Variants in PDE4D observed in about 807,000 individuals in gnomAD.
The protein encoded by PDE4D is 3',5'-cyclic-AMP phosphodiesterase 4D.
A neutral mutation model predicts 87.4 loss-of-function variants in PDE4D; 24 were observed. The ratio of observed to expected loss-of-function variants is 0.27; its 90% CI spans 0.20 to 0.39. The LOEUF (loss-of-function observed/expected upper bound fraction) is 0.39, where lower values mean the gene tolerates loss of function less well. Among genes scored for constraint, PDE4D ranks in the 10% least tolerant of loss-of-function variants. The pLI, the probability that PDE4D is intolerant of heterozygous loss-of-function variation, is 1.00. For synonymous variants in PDE4D, 384 were observed against 383.2 expected, an observed-to-expected ratio of 1.00 and a Z score of -0.02; for missense variants, 714 against 1,041.0, an observed-to-expected ratio of 0.69 and a Z score of 4.32.
intron 5 of PDE4D, among the ~76,000 whole-genome samples, chr5:59,102,477 T>C (rs1354530270): frequency 6.6e-6 from 1 of 152,182 alleles, no homozygotes; most frequent in African/African-American, 2.4e-5. Flanking sequence ...ATAGTTTTAA[T>C]AAATCAAATA....
chr5:59,001,871 G>A (rs957288562), intron 6 of PDE4D, among the ~76,000 whole-genome samples: 37 of 152,144 alleles, frequency 2.4e-4, no homozygotes, highest in Non-Finnish European at 1.6e-4. Flanking sequence ...TGGAATCTAT[G>A]ACTCTTTCCT....
intron 1 of PDE4D, among the ~76,000 whole-genome samples, chr5:59,231,996 C>A (rs1454158216): frequency 6.6e-6 from 1 of 152,144 alleles, no homozygotes. Context: ...AAGTGTGAAC[C>A]TGACACATGA....
At chr5:60,370,581 C>T (rs56020207) in intron 1 of PDE4D, among the ~76,000 whole-genome samples, 7 of 152,248 alleles carry the variant, frequency 4.6e-5, no homozygotes, top group East Asian at 1.9e-4. Flanking sequence ...TTCTCATTAA[C>T]GATGACTGCT....
Position 60,031,666 on chromosome 5 carries a change from G to T in PDE4D, c.43-42949C>A, listed in dbSNP as rs192632013. ...TACTGCTAAACCAAAGTTTTTTACT[G>T]GAATTCCACATTTAAAAATTGCAAG... On this transcript the variant is annotated intron_variant, in intron 2 of 16. Transcript: ENST00000502484. Among the ~76,000 whole-genome samples the T allele has an allele frequency of 5.3e-3, 804 of 152,086 alleles. 16 individuals are homozygous for T. Among genetic ancestry groups the T allele is most frequent in the Admixed American group, 0.039 (590 of 15,280 alleles).
chr5:60,202,739 G>A (rs1269877990), intron 1 of PDE4D, among the ~76,000 whole-genome samples: 1 of 151,638 alleles, frequency 6.6e-6, no homozygotes, highest in African/African-American at 2.4e-5. Flanking sequence ...AATAAAATAA[G>A]GAGATGCCTA....
chr5:59,787,346 C>T (rs908775376), intron 1 of PDE4D, among the ~76,000 whole-genome samples: 1 of 152,190 alleles, frequency 6.6e-6, no homozygotes, highest in Non-Finnish European at 1.5e-5. Flanking sequence ...ACCACATCTT[C>T]CCATTCACTT....
intron 5 of PDE4D, among the ~76,000 whole-genome samples, chr5:59,135,862 T>C (rs1371096092): frequency 3.3e-5 from 5 of 152,184 alleles, no homozygotes; most frequent in Admixed American, 2.0e-4. Flanking sequence ...CTTCACTTAT[T>C]CATGCATTCG....
At chr5:60,190,669 C>T (rs868843606) in intron 1 of PDE4D, among the ~76,000 whole-genome samples, 3 of 152,186 alleles carry the variant, frequency 2.0e-5, no homozygotes, top group South Asian at 4.1e-4. Flanking sequence ...CCCTGTATTC[C>T]ATGGCCATTG....
rs541327401 is a variant in PDE4D, at chr5:60,506,300, C to T, written n.70+15751G>A. On this transcript the variant is annotated intron_variant and non_coding_transcript_variant, in intron 1 of 2. Coordinates refer to the PDE4D transcript ENST00000506510. Reference sequence around the variant, plus strand: ...ATGCACACGTGAATACACTCATTCTCATGCATACCCTATGTATGCACATAT... The same window carrying T: ...ATGCACACGTGAATACACTCATTCTTATGCATACCCTATGTATGCACATAT... Among the ~76,000 whole-genome samples, 5 of 152,346 alleles carry T rather than the reference C, an allele frequency of 3.3e-5. No homozygotes were observed. In the South Asian group the frequency reaches 1.0e-3, roughly 32 times the overall value.
intron 1 of PDE4D, among the ~76,000 whole-genome samples, chr5:60,311,605 T>C (rs936389910): frequency 6.6e-6 from 1 of 152,126 alleles, no homozygotes; most frequent in African/African-American, 2.4e-5. Flanking sequence ...CCCACCACCA[T>C]GAAAACACAC....
chr5:60,236,053 T>C (rs946322726), intron 1 of PDE4D, among the ~76,000 whole-genome samples: 4 of 151,840 alleles, frequency 2.6e-5, no homozygotes, highest in African/African-American at 4.8e-5. Context: ...ACAAATTAAA[T>C]AGATAAAATA....
intron 1 of PDE4D, among the ~76,000 whole-genome samples, chr5:59,236,368 T>C (rs1031539228): frequency 3.3e-5 from 5 of 152,202 alleles, no homozygotes; most frequent in Admixed American, 3.3e-4. Context: ...AGTAAAGAGA[T>C]TGTCCTTTTC....
At chr5:59,870,085 T>C (rs1487158160) in intron 1 of PDE4D, among the ~76,000 whole-genome samples, 1 of 152,230 alleles carries the variant, frequency 6.6e-6, no homozygotes, top group African/African-American at 2.4e-5. Context: ...GAATTTTCCA[T>C]AAAGTCTCAT....
intron 2 of PDE4D, among the ~76,000 whole-genome samples, chr5:60,003,574 G>A (rs1347930557): frequency 6.6e-6 from 1 of 151,896 alleles, no homozygotes; most frequent in Non-Finnish European, 1.5e-5. Flanking sequence ...GCCGAACGTG[G>A]TGGCAGGTGC....
intron 5 of PDE4D, among the ~76,000 whole-genome samples, chr5:59,044,198 C>T (rs1760233252): frequency 6.6e-6 from 1 of 152,212 alleles, no homozygotes; most frequent in Non-Finnish European, 1.5e-5. Flanking sequence ...CCTATTTCTT[C>T]ACATCCTCTC....
At chr5:59,360,299 A>G (rs1461345790) in intron 1 of PDE4D, among the ~76,000 whole-genome samples, 1 of 152,186 alleles carries the variant, frequency 6.6e-6, no homozygotes, top group East Asian at 1.9e-4. Flanking sequence ...CAGTTACATC[A>G]GTGGGGTTGC....
chr5:59,250,593 A>G (rs1759747765), intron 1 of PDE4D, among the ~76,000 whole-genome samples: 1 of 152,116 alleles, frequency 6.6e-6, no homozygotes, highest in African/African-American at 2.4e-5. Flanking sequence ...AGAATTTTAA[A>G]TTAATGTTTT....
chr5:60,106,303 G>A (rs1776907531), intron 2 of PDE4D, among the ~76,000 whole-genome samples: 1 of 151,878 alleles, frequency 6.6e-6, no homozygotes, highest in African/African-American at 2.4e-5. Flanking sequence ...AACAAGAAGA[G>A]CTAACTATAC....
intron 5 of PDE4D, among the ~76,000 whole-genome samples, chr5:59,079,854 G>C (rs1305624630): frequency 1.7e-5 from 1 of 59,114 alleles, no homozygotes; most frequent in African/African-American, 5.8e-5. Flanking sequence ...GGAGGGGAGA[G>C]GAGAGGAGAG....
Sources: allele counts gnomAD v4.1 joint callset (sites outside exome capture counted in the v4.1 genomes callset), GRCh38; gene constraint gnomAD v4.1.1; transcripts MANE v1.5; gene names NCBI Gene and HGNC (gene_info 2026-07-23, HGNC 2026-07-21).